LRCH1: variants seen among roughly 807,000 people sequenced by gnomAD.
LRCH1 encodes the protein leucine rich repeats and calponin homology domain containing 1.
A neutral mutation model predicts 94.9 loss-of-function variants in LRCH1; 23 were observed. The observed-to-expected ratio is 0.24, with a 90% confidence interval of 0.17 to 0.34. The LOEUF (loss-of-function observed/expected upper bound fraction) is 0.34, where lower values mean the gene tolerates loss of function less well. Ranked by LOEUF, LRCH1 falls within the 10% of genes least tolerant of loss-of-function variation. The probability of loss-of-function intolerance (pLI) is 1.00; values close to 1 mark genes in which losing one functional copy is unlikely to be tolerated. For synonymous variants in LRCH1, 364 were observed against 354.9 expected (o/e 1.03, Z -0.29); for missense variants, 790 against 945.9 (o/e 0.84, Z 2.16).
intron 1 of LRCH1, among the ~76,000 whole-genome samples, chr13:46,640,317 G>A (rs925548994): frequency 2.0e-5 from 3 of 152,188 alleles, no homozygotes; most frequent in Non-Finnish European, 4.4e-5. Context: ...ATCCCATTCA[G>A]TCCTTTCACT....
At chr13:46,642,494 G>A (rs187945005) in intron 1 of LRCH1, among the ~76,000 whole-genome samples, 7 of 152,266 alleles carry the variant, frequency 4.6e-5, no homozygotes, top group East Asian at 3.9e-4. Flanking sequence ...TGAGGATTAC[G>A]TGAGGAAAAA....
chr13:46,643,525 G>A (rs749701266), intron 1 of LRCH1, among the ~76,000 whole-genome samples: 54 of 151,850 alleles, frequency 3.6e-4, no homozygotes, highest in African/African-American at 1.2e-3. Context: ...TATATCTTTC[G>A]CTCCCACTGT....
Position 46,742,059 on chromosome 13 carries a change from TACA to T in LRCH1, c.*214_*216del, listed in dbSNP as rs892112402. 5.8e-5 allele frequency: 82 copies of T among 1,413,322 alleles called. No homozygotes were observed. In the African/African-American group the frequency reaches 1.1e-3, roughly 18 times the overall value. The allele number at this position is 1,413,322 out of a possible 1,614,324, so 87.5% of individuals were successfully genotyped here. On this transcript the variant is annotated 3_prime_UTR_variant, in exon 20 of 20. Coordinates refer to ENST00000389797, the MANE Select transcript of LRCH1 (RefSeq NM_001164211.2). ...GTATAATTCCTCTCACTTACTGAAA[TACA>T]ACGACGACGACTGCAAAGTGTATGC... is the stretch of plus-strand genomic sequence containing the variant.
chr13:46,746,088 G>A (rs1483457990), downstream of LRCH1, among the ~76,000 whole-genome samples: 1 of 152,226 alleles, frequency 6.6e-6, no homozygotes, highest in African/African-American at 2.4e-5. Flanking sequence ...TTTATGGGAG[G>A]AGGCATAGTA....
intron 16 of LRCH1, among the ~76,000 whole-genome samples, chr13:46,721,494 G>C (rs1352486227): frequency 2.0e-5 from 3 of 152,132 alleles, no homozygotes; most frequent in Non-Finnish European, 4.4e-5. Context: ...TCATTCTCCA[G>C]TTTCTTCCAT....
intron 3 of LRCH1, among the ~76,000 whole-genome samples, chr13:46,673,642 C>T (rs370238204): frequency 2.6e-5 from 4 of 152,058 alleles, no homozygotes; most frequent in East Asian, 3.9e-4. Context: ...CCTTTAGCGC[C>T]GAGACAGTGT....
intron 1 of LRCH1, among the ~76,000 whole-genome samples, chr13:46,647,019 A>G (rs2051229278): frequency 6.6e-6 from 1 of 151,692 alleles, no homozygotes; most frequent in African/African-American, 2.4e-5. Context: ...AGGCTGAGGC[A>G]GGAGAATTGC....
chr13:46,616,014 T>G (rs954037758), intron 1 of LRCH1, among the ~76,000 whole-genome samples: 2 of 152,188 alleles, frequency 1.3e-5, no homozygotes, highest in Non-Finnish European at 2.9e-5. Flanking sequence ...ATATTTTGCT[T>G]CTAGAGTAAT....
intron 1 of LRCH1, among the ~76,000 whole-genome samples, chr13:46,563,396 G>A (rs2050149981): frequency 6.6e-6 from 1 of 151,866 alleles, no homozygotes; most frequent in South Asian, 2.1e-4. Flanking sequence ...GGTTTCCTGA[G>A]CTTCAAAGAC....
rs74427198 is a variant in LRCH1, at chr13:46,693,262, A to G, written c.1120+621A>G. 5.4e-4 allele frequency among the ~76,000 whole-genome samples: 82 copies of G among 152,270 alleles called. No individual in the cohort carries two copies. The East Asian group carries it at 0.015, about 29-fold the overall frequency. On this transcript the variant is annotated intron_variant, in intron 8 of 19. Coordinates refer to ENST00000389797, the MANE Select transcript of LRCH1 (RefSeq NM_001164211.2). ...CTCAACACAATCCAAATTAAGTTCA[A>G]ATGGAGTTAGTGATTGGCAGACAAC...
At chr13:46,726,549 T>A (rs948075339) in intron 17 of LRCH1, among the ~76,000 whole-genome samples, 1 of 152,082 alleles carries the variant, frequency 6.6e-6, no homozygotes, top group Admixed American at 6.5e-5. Flanking sequence ...GGAAACACTG[T>A]GGTCCCCCCT....
intron 1 of LRCH1, among the ~76,000 whole-genome samples, chr13:46,618,292 A>T (rs980893074): frequency 5.9e-5 from 9 of 152,174 alleles, no homozygotes; most frequent in African/African-American, 2.2e-4. Context: ...ATCTAAGCAT[A>T]TCTAGACATA....
At chr13:46,682,556 A>G (rs554538052) in intron 4 of LRCH1, among the ~76,000 whole-genome samples, 4 of 152,168 alleles carry the variant, frequency 2.6e-5, no homozygotes, top group East Asian at 1.9e-4. Context: ...TCGGGGACAT[A>G]CTTTGTTCTA....
At chr13:46,661,085 C>T (rs1366072539) in intron 2 of LRCH1, among the ~76,000 whole-genome samples, 1 of 152,120 alleles carries the variant, frequency 6.6e-6, no homozygotes, top group African/African-American at 2.4e-5. Context: ...CTCATTGCCT[C>T]GTGCTTGGAA....
At chr13:46,630,454 A>G (rs2051004871) in intron 1 of LRCH1, among the ~76,000 whole-genome samples, 1 of 152,266 alleles carries the variant, frequency 6.6e-6, no homozygotes. Flanking sequence ...TTAAGCTCTT[A>G]TAAATCAGGG....
At chr13:46,720,908 G>C (rs1253665847) in intron 16 of LRCH1, among the ~76,000 whole-genome samples, 2 of 152,068 alleles carry the variant, frequency 1.3e-5, no homozygotes, top group East Asian at 3.9e-4. Context: ...AACTAATAGT[G>C]ATATAGTCAT....
At chr13:46,641,103 C>A (rs550066481) in intron 1 of LRCH1, among the ~76,000 whole-genome samples, 2 of 152,132 alleles carry the variant, frequency 1.3e-5, no homozygotes, top group East Asian at 3.9e-4. Context: ...TGAATGTGTG[C>A]CCCATGGGTG....
At chr13:46,599,216 C>T (rs111722649) in intron 1 of LRCH1, among the ~76,000 whole-genome samples, 13 of 152,246 alleles carry the variant, frequency 8.5e-5, no homozygotes, top group African/African-American at 3.1e-4. Flanking sequence ...TGCATGTATA[C>T]ACCACATTTT....
At chr13:46,569,437 G>T (rs9595492) in intron 1 of LRCH1, among the ~76,000 whole-genome samples, 5,281 of 152,238 alleles carry the variant, frequency 0.035, 301 homozygotes, top group African/African-American at 0.12. Context: ...TGAGCCCCAG[G>T]GATCTAAGTA....
Sources: allele counts gnomAD v4.1 joint callset (sites outside exome capture counted in the v4.1 genomes callset), GRCh38; gene constraint gnomAD v4.1.1; transcripts MANE v1.5; gene names NCBI Gene and HGNC (gene_info 2026-07-23, HGNC 2026-07-21).